The following IL17RC variants were observed in gnomAD, a reference collection of about 807,000 sequenced individuals.
The protein encoded by IL17RC is interleukin-17 receptor C.
In IL17RC, 53 loss-of-function variants were observed where a neutral mutation model predicts 86.7. That is an observed-to-expected ratio of 0.61 (90% CI 0.49 to 0.77). IL17RC has a LOEUF of 0.77. IL17RC is among the 30% of genes least tolerant of loss of function. IL17RC has a pLI of 0.00. For synonymous variants in IL17RC, 439 were observed against 413.1 expected, an observed-to-expected ratio of 1.06 and a Z score of -0.76; for missense variants, 957 against 940.0, an observed-to-expected ratio of 1.02 and a Z score of -0.24.
In IL17RC at chr3:9,924,018, C is replaced by G. The variant is rs1401348021; in HGVS notation, c.760C>G (p.Leu254Val). The change falls in exon 8 of 19, where the codon CTG (leucine) becomes GTG (valine). Residue 254 changes from leucine (L) to valine (V), a missense_variant and splice_region_variant. Coordinates refer to ENST00000403601, the MANE Select transcript of IL17RC (RefSeq NM_153460.4). ...GPPKPRWHKN[L>V]TGPQIITLNH... ...CCCAAAACCCCGGTGGCACAAAAAC[C>G]TGGTGAGGCCTCCCCCTTCCCAAGT... 6.2e-7 allele frequency: 1 copy of G among 1,613,656 alleles called. No individual in the cohort carries two copies. Among genetic ancestry groups the G allele is most frequent in the Admixed American group, 1.7e-5 (1 of 60,028 alleles).
At chr3:9,928,126 C>A in intron 9 of IL17RC, 40 bp from the exon 10 acceptor site, 2 of 1,601,492 alleles carry the variant, frequency 1.2e-6, no homozygotes, top group Non-Finnish European at 1.7e-6. Flanking sequence ...AGGCACATGC[C>A]CATGGAGGGG....
rs1308864056 is a variant in IL17RC at position 9,933,224 on chromosome 3, C to T, written c.1794C>T (p.Ser598=). 2.5e-6 allele frequency: 4 copies of T among 1,606,678 alleles called. No individual in the cohort carries two copies. The highest frequency in any genetic ancestry group is 1.7e-5 in the Admixed American group (1 of 59,376). Residue 598 remains serine, a synonymous_variant, in exon 19 of 19, where the codon TCC becomes TCT. Transcript: ENST00000403601. ...LCSEWLQDGV[S]GPGAHGPHDA... Reference sequence around the variant, plus strand: ...GCGAGTGGCTACAGGATGGGGTGTCCGGGCCCGGGGCGCACGGCCCGCACG... The same window carrying T: ...GCGAGTGGCTACAGGATGGGGTGTCTGGGCCCGGGGCGCACGGCCCGCACG...
At chr3:9,929,948 G>C in intron 13 of IL17RC, 51 bp downstream of exon 13, 1 of 1,613,864 alleles carries the variant, frequency 6.2e-7, no homozygotes, top group African/African-American at 1.3e-5. Context: ...TAGGGGTGAA[G>C]GTCAGGGCAT....
Position 9,933,432 on chromosome 3 carries a change from C to T in IL17RC, c.2002C>T (p.Gln668Ter). 6.2e-7 allele frequency: 1 copy of T among 1,613,212 alleles called. No individual in the cohort carries two copies. Among genetic ancestry groups the T allele is most frequent in the Non-Finnish European group, 8.5e-7 (1 of 1,179,826 alleles). ...QLPDFLGALQQPRAPRSGRLQ... is the reference protein window; with the variant it reads ...QLPDFLGALQ ...GCCAGACTTCCTGGGGGCCCTGCAG[C>T]AGCCTCGCGCCCCGCGTTCCGGGCG... Residue 668 changes from glutamine (Q) to a stop codon, truncating the protein, a stop_gained, in exon 19 of 19, where the codon CAG becomes TAG. Transcript: ENST00000403601. LOFTEE classifies it low-confidence loss of function (END_TRUNC).
At chr3:9,927,934 G>A (rs995394557) in intron 9 of IL17RC, among the ~76,000 whole-genome samples, 5 of 151,796 alleles carry the variant, frequency 3.3e-5, no homozygotes, top group African/African-American at 1.2e-4. Context: ...GGGCGACAGA[G>A]CGAGACTCTA....
At chr3:9,919,625 G>T (rs557693377) in intron 5 of IL17RC, among the ~76,000 whole-genome samples, 1 of 152,034 alleles carries the variant, frequency 6.6e-6, no homozygotes, top group Non-Finnish European at 1.5e-5. Context: ...CAGCCTGGGC[G>T]ACAGAGCGAG....
intron 5 of IL17RC, among the ~76,000 whole-genome samples, chr3:9,920,071 G>A (rs1281554669): frequency 6.6e-6 from 1 of 152,074 alleles, no homozygotes; most frequent in African/African-American, 2.4e-5. Flanking sequence ...TATCCTATCT[G>A]GAGAATTGTA....
Position 9,924,260 on chromosome 3 carries a change from A to G in IL17RC, c.791A>G (p.His264Arg), listed in dbSNP as rs746056942. ...LTGPQIITLN[H>R]TDLVPCLCIQ... ...GGACCGCAGATCATTACCTTGAACC[A>G]CACAGACCTGGTTCCCTGCCTCTGT... Residue 264 changes from histidine to arginine, a missense_variant, in exon 9 of 19, where the codon CAC (histidine) becomes CGC (arginine). By Grantham distance (29) the His-to-Arg change is conservative. Transcript: ENST00000403601. 34 of 1,614,062 alleles carry G rather than the reference A, an allele frequency of 2.1e-5. No individual in the cohort carries two copies. The highest frequency in any genetic ancestry group is 2.8e-5 in the Non-Finnish European group (33 of 1,179,992).
intron 16 of IL17RC, 149 bp from the exon 17 acceptor site, chr3:9,932,459 C>G (rs2084826107): frequency 1.3e-6 from 1 of 755,592 alleles, no homozygotes; most frequent in African/African-American, 1.7e-5. Context: ...ATGTCCTGAC[C>G]TCGTGATCTG....
In IL17RC at chr3:9,930,751, C is replaced by A; in HGVS notation, c.1339-144C>A. 1.2e-6 allele frequency: 1 copy of A among 815,766 alleles called. No homozygotes were observed. Among genetic ancestry groups the A allele is most frequent in the Admixed American group, 1.8e-5 (1 of 56,040 alleles). The allele number at this position is 815,766 out of a possible 1,614,324, so 50.5% of individuals were successfully genotyped here. ...GTCATACCCTAGTCAGTGGGCACAG[C>A]ACAAAGGCAGAGCAGCTGCAGGAAC... On this transcript the variant is annotated intron_variant, in intron 15 of 18. Transcript: ENST00000403601. The surrounding 1 kb of genome is among the most constrained non-coding windows in gnomAD (Gnocchi z 5.8).
intron 8 of IL17RC, 61 bp downstream of exon 8, chr3:9,924,081 C>T (rs1189085137): frequency 6.2e-7 from 1 of 1,610,870 alleles, no homozygotes; most frequent in Non-Finnish European, 8.5e-7. Context: ...GCAAAGGACG[C>T]AGTGCCATAT....
chr3:9,932,701 A>G lies in IL17RC; in HGVS notation c.1481A>G (p.Lys494Arg). The change falls in exon 17 of 19, where the codon AAA (lysine) becomes AGA (arginine). Residue 494 changes from lysine (K) to arginine (R), a missense_variant and splice_region_variant. By Grantham distance (26) the Lys-to-Arg change is conservative. Coordinates refer to ENST00000403601, the MANE Select transcript of IL17RC (RefSeq NM_153460.4). The part of the protein sequence containing the change: ...LILLLKKDHA[K>R]GWLRLLKQDV... ...CTCCTTCTCAAAAAGGATCACGCGA[A>G]AGGTGAGCGCTTCCCGGCTCCCCAT... is the stretch of plus-strand genomic sequence containing the variant. 4 of 1,614,110 alleles carry G rather than the reference A, an allele frequency of 2.5e-6. No individual in the cohort carries two copies. The highest frequency in any genetic ancestry group is 3.4e-6 in the Non-Finnish European group (4 of 1,179,990).
At chr3:9,922,460 G>T (rs576369107) in intron 7 of IL17RC, among the ~76,000 whole-genome samples, 1 of 152,302 alleles carries the variant, frequency 6.6e-6, no homozygotes, top group African/African-American at 2.4e-5. Context: ...ACACAGATGT[G>T]TATATCATGG....
rs755610162 is a variant in IL17RC, at chr3:9,917,298, C to T, written c.-18C>T. 2.5e-6 allele frequency: 4 copies of T among 1,605,106 alleles called. No homozygotes were observed. Among genetic ancestry groups the T allele is most frequent in the Non-Finnish European group, 3.4e-6 (4 of 1,174,578 alleles). On this transcript the variant is annotated 5_prime_UTR_variant, in exon 1 of 19. Transcript: ENST00000403601. ...CAGCACAGGGCCTCAGGCCTGGGTG[C>T]CACCTGGCACCTAGAAGATGCCTGT...
In IL17RC at chr3:9,930,347, G is replaced by A; in HGVS notation, c.1279-53G>A. ...ACCCAGCTGTAGCCTGGTAGGTGCT[G>A]CCCTAAGGGTGCTACCTCCAGGTAA... On this transcript the variant is annotated intron_variant, in intron 14 of 18. Coordinates refer to ENST00000403601, the MANE Select transcript of IL17RC (RefSeq NM_153460.4). The surrounding 1 kb of genome is among the most constrained non-coding windows in gnomAD (Gnocchi z 5.8). The A allele has an allele frequency of 1.2e-6, 2 of 1,601,380 alleles. No individual in the cohort carries two copies. The highest frequency in any genetic ancestry group is 1.7e-4 in the Middle Eastern group (1 of 5,914).
intron 9 of IL17RC, 69 bp from the exon 10 acceptor site, chr3:9,928,097 C>A: frequency 6.9e-7 from 1 of 1,451,884 alleles, no homozygotes; most frequent in Non-Finnish European, 9.7e-7. Flanking sequence ...AGTGCATCCC[C>A]ACTGTCCAGC....
chr3:9,925,177 G>A (rs189822358), intron 9 of IL17RC, among the ~76,000 whole-genome samples: 146 of 149,306 alleles, frequency 9.8e-4, no homozygotes, highest in Non-Finnish European at 1.6e-3. Flanking sequence ...GCACCGTGGC[G>A]TGATCTCGGC....
intron 7 of IL17RC, among the ~76,000 whole-genome samples, chr3:9,921,274 G>A (rs1418742390): frequency 2.0e-5 from 3 of 152,060 alleles, no homozygotes; most frequent in Admixed American, 2.0e-4. Flanking sequence ...GGGCAACATG[G>A]CAAATCCCCG....
chr3:9,932,375 T>C (rs1172254256), intron 16 of IL17RC, among the ~76,000 whole-genome samples: 76 of 145,644 alleles, frequency 5.2e-4, no homozygotes, highest in Middle Eastern at 3.4e-3. Flanking sequence ...TACAGGCGTG[T>C]GCCACCACGC....
Sources: allele counts gnomAD v4.1 joint callset (sites outside exome capture counted in the v4.1 genomes callset), GRCh38; gene constraint gnomAD v4.1.1; non-coding constraint Gnocchi (gnomAD v3.1); transcripts MANE v1.5; gene names NCBI Gene and HGNC (gene_info 2026-07-23, HGNC 2026-07-21).